The following IFT52 variants were observed in gnomAD, a reference collection of about 807,000 sequenced individuals.
IFT52 encodes intraflagellar transport protein 52 homolog.
A neutral mutation model predicts 54.4 loss-of-function variants in IFT52; 44 were observed. That is an observed-to-expected ratio of 0.81 (90% CI 0.63 to 1.04). The LOEUF (loss-of-function observed/expected upper bound fraction) is 1.04. Ranked by LOEUF, IFT52 falls within the 50% of genes least tolerant of loss-of-function variation. IFT52 has a pLI of 0.00. For synonymous variants in IFT52, 181 were observed against 185.3 expected (o/e 0.98, Z 0.19); for missense variants, 452 against 523.6 (o/e 0.86, Z 1.33).
chr20:43,599,608 G>A (rs1019342850), intron 3 of IFT52, among the ~76,000 whole-genome samples: 6 of 152,126 alleles, frequency 3.9e-5, no homozygotes, highest in African/African-American at 1.4e-4. Flanking sequence ...ATGCTTGTGA[G>A]ATCACTGCTT....
At chr20:43,627,582 G>A (rs1424027231) in intron 10 of IFT52, among the ~76,000 whole-genome samples, 1 of 152,162 alleles carries the variant, frequency 6.6e-6, no homozygotes, top group Non-Finnish European at 1.5e-5. Flanking sequence ...GGTGTTTTTT[G>A]GATGGAAGAA....
rs34012263 is a variant in IFT52 at position 43,595,316 on chromosome 20, C to CA, written c.119+521dup. Among the ~76,000 whole-genome samples, 136 of 62,812 alleles carry CA rather than the reference C, an allele frequency of 2.2e-3. 1 individual carries two copies. The highest frequency in any genetic ancestry group is 0.012 in the Middle Eastern group (1 of 82). 41.2% of individuals were successfully genotyped at this position (62,812 alleles called of 152,430 possible). A position where few individuals can be genotyped will look rare whatever the true frequency, so the allele number is the denominator to read the frequency against. Reference sequence around the variant, plus strand: ...TGGGCAACAGAGTGAGACTCCGTCTCAAAAAAAAAAAAAAAAAAAAAAGAA... The same window carrying CA: ...TGGGCAACAGAGTGAGACTCCGTCTCAAAAAAAAAAAAAAAAAAAAAAAGAA... On this transcript the variant is annotated intron_variant, in intron 2 of 13. Coordinates refer to ENST00000373030, the MANE Select transcript of IFT52 (RefSeq NM_016004.5).
At chr20:43,646,639 G>A (rs1212009645) in intron 13 of IFT52, among the ~76,000 whole-genome samples, 1 of 152,176 alleles carries the variant, frequency 6.6e-6, no homozygotes, top group Non-Finnish European at 1.5e-5. Flanking sequence ...CTGGTGGCAT[G>A]CTAGGACAGA....
intron 6 of IFT52, 69 bp from the exon 7 acceptor site, chr20:43,613,781 T>G: frequency 9.4e-4 from 1,339 of 1,420,864 alleles, no homozygotes; most frequent in Non-Finnish European, 1.2e-3. Flanking sequence ...CAAGAAACAT[T>G]GAGATTATTT....
intron 9 of IFT52, 78 bp downstream of exon 9, chr20:43,621,003 G>T: frequency 9.8e-7 from 1 of 1,015,372 alleles, no homozygotes; most frequent in East Asian, 2.4e-5. Flanking sequence ...AGCTCAAAAG[G>T]AATACATGAC....
intron 7 of IFT52, among the ~76,000 whole-genome samples, chr20:43,615,252 G>A (rs1033393616): frequency 6.6e-6 from 1 of 151,600 alleles, no homozygotes; most frequent in African/African-American, 2.4e-5. Flanking sequence ...ATGTTGCCCA[G>A]GCTGGTCTTA....
chr20:43,611,270 A>T (rs1983423377), intron 6 of IFT52, among the ~76,000 whole-genome samples: 1 of 152,010 alleles, frequency 6.6e-6, no homozygotes, highest in Non-Finnish European at 1.5e-5. Flanking sequence ...CAATCCTTAA[A>T]TAAGTGAAGC....
chr20:43,629,291 G>T (rs1984988446), intron 10 of IFT52, among the ~76,000 whole-genome samples: 1 of 151,376 alleles, frequency 6.6e-6, no homozygotes. Context: ...TTATTTTTTT[G>T]AGATGGAGTC....
chr20:43,627,921 A>AT (rs1984856453), intron 10 of IFT52, among the ~76,000 whole-genome samples: 1 of 12,728 alleles, frequency 7.9e-5, no homozygotes, highest in Non-Finnish European at 1.6e-4. Flanking sequence ...AGAGAGAGAG[A>AT]GTTTTTTTTT....
intron 6 of IFT52, among the ~76,000 whole-genome samples, chr20:43,608,597 A>G (rs980857838): frequency 2.0e-5 from 3 of 152,178 alleles, no homozygotes; most frequent in African/African-American, 7.2e-5. Flanking sequence ...AGCATGTTAC[A>G]AAGTTTTAGT....
intron 10 of IFT52, among the ~76,000 whole-genome samples, chr20:43,626,313 G>T (rs1204931076): frequency 1.3e-5 from 2 of 151,060 alleles, no homozygotes; most frequent in Non-Finnish European, 2.9e-5. Context: ...GCCCAAGCTG[G>T]AGTGCAGTGG....
intron 7 of IFT52, among the ~76,000 whole-genome samples, chr20:43,617,756 T>A (rs184700588): frequency 6.7e-6 from 1 of 148,988 alleles, no homozygotes; most frequent in East Asian, 2.0e-4. Context: ...GCCTTAGCTT[T>A]CTTTGAGACT....
At chr20:43,613,207 G>C (rs929186234) in intron 6 of IFT52, among the ~76,000 whole-genome samples, 3 of 152,250 alleles carry the variant, frequency 2.0e-5, no homozygotes, top group Non-Finnish European at 4.4e-5. Flanking sequence ...TTAATTCTTA[G>C]AGATAGCACT....
At chr20:43,602,382 G>A (rs993632645) in intron 3 of IFT52, among the ~76,000 whole-genome samples, 3 of 151,906 alleles carry the variant, frequency 2.0e-5, no homozygotes, top group African/African-American at 4.8e-5. Context: ...GGCTGGTCTC[G>A]AGCTCCTGAC....
intron 8 of IFT52, among the ~76,000 whole-genome samples, chr20:43,619,421 C>CTTT (rs1269445515): frequency 6.6e-6 from 1 of 152,020 alleles, no homozygotes; most frequent in African/African-American, 2.4e-5. Context: ...TGTGTTTCTT[C>CTTT]TTTTTTTGTT....
chr20:43,638,538 A>G (rs560739390), intron 12 of IFT52, among the ~76,000 whole-genome samples: 4 of 152,282 alleles, frequency 2.6e-5, no homozygotes, highest in African/African-American at 9.6e-5. Context: ...CGGGAGGCTG[A>G]GGTAGGAGGA....
intron 7 of IFT52, among the ~76,000 whole-genome samples, chr20:43,616,092 A>G (rs1983839220): frequency 6.6e-6 from 1 of 152,140 alleles, no homozygotes; most frequent in Non-Finnish European, 1.5e-5. Context: ...GGCTTAGTAT[A>G]ATTCTTTTCC....
chr20:43,637,462 C>A (rs1179630454), intron 12 of IFT52, among the ~76,000 whole-genome samples: 1 of 152,140 alleles, frequency 6.6e-6, no homozygotes, highest in Non-Finnish European at 1.5e-5. Context: ...GGGGTTTCAT[C>A]ATATTGGTCA....
chr20:43,641,963 T>G (rs2145680226), intron 12 of IFT52, among the ~76,000 whole-genome samples: 1 of 152,148 alleles, frequency 6.6e-6, no homozygotes, highest in South Asian at 2.1e-4. Flanking sequence ...CTGGCTAATT[T>G]TTGTATTTTT....
Sources: allele counts gnomAD v4.1 joint callset (sites outside exome capture counted in the v4.1 genomes callset), GRCh38; gene constraint gnomAD v4.1.1; transcripts MANE v1.5; gene names NCBI Gene and HGNC (gene_info 2026-07-23, HGNC 2026-07-21).